RGS6: variants seen among roughly 807,000 people sequenced by gnomAD.
RGS6 encodes regulator of G protein signaling 6, also known as regulator of G-protein signaling 6.
Under a neutral mutation model 78.5 loss-of-function variants are expected in RGS6, and 30 were observed. That is an observed-to-expected ratio of 0.38 (90% CI 0.29 to 0.52). The LOEUF is 0.52. Ranked by LOEUF, RGS6 falls within the 20% of genes least tolerant of loss-of-function variation. The probability of loss-of-function intolerance (pLI) is 0.85; values close to 1 mark genes in which losing one functional copy is unlikely to be tolerated. For synonymous variants in RGS6, 206 were observed against 206.0 expected (o/e 1.00, Z 0.00); for missense variants, 495 against 609.7 (o/e 0.81, Z 1.98).
intron 2 of RGS6, among the ~76,000 whole-genome samples, chr14:72,332,308 A>G (rs1417270785): frequency 1.3e-5 from 2 of 152,244 alleles, no homozygotes; most frequent in Non-Finnish European, 2.9e-5. Context: ...CTTCCAGGCC[A>G]GGCGGTAGGT....
chr14:72,380,420 CAGG>C (rs2085763488), intron 3 of RGS6, among the ~76,000 whole-genome samples: 2 of 151,464 alleles, frequency 1.3e-5, no homozygotes, highest in South Asian at 4.2e-4. Flanking sequence ...TTTCATCTGA[CAGG>C]AGGTCAATAT....
At chr14:71,890,358 CAGAGAGAGAGAG>C in the RGS6 span, among the ~76,000 whole-genome samples, 6 of 133,008 alleles carry the variant, frequency 4.5e-5, no homozygotes, top group African/African-American at 8.9e-5. Context: ...GTGCATAAGA[CAGAGAGAGAGAG>C]AGAGAGAGAG....
intron 3 of RGS6, among the ~76,000 whole-genome samples, chr14:72,378,229 T>C (rs1001427901): frequency 6.6e-6 from 1 of 152,148 alleles, no homozygotes; most frequent in African/African-American, 2.4e-5. Context: ...GGCAAGTTTA[T>C]AGCAATAAAT....
the RGS6 span, among the ~76,000 whole-genome samples, chr14:72,574,947 A>G: frequency 1.9e-3 from 288 of 152,212 alleles, 2 homozygotes; most frequent in African/African-American, 6.1e-3. Context: ...GTGTGATGCT[A>G]CAGTAGGATG....
At chr14:72,168,606 G>T (rs1261523105) in intron 2 of RGS6, among the ~76,000 whole-genome samples, 2 of 152,182 alleles carry the variant, frequency 1.3e-5, no homozygotes, top group South Asian at 2.1e-4. Context: ...ATACTATTGG[G>T]TTAAATAAAA....
intron 1 of RGS6, among the ~76,000 whole-genome samples, chr14:71,938,220 A>T (rs12883211): frequency 0.031 from 4,764 of 152,214 alleles, 121 homozygotes; most frequent in Middle Eastern, 0.088. Flanking sequence ...CATCCACATA[A>T]CTTTTTCCCA....
chr14:72,335,075 T>C (rs1324427831), intron 2 of RGS6, among the ~76,000 whole-genome samples: 24 of 152,198 alleles, frequency 1.6e-4, no homozygotes, highest in Admixed American at 1.5e-3. Flanking sequence ...TTAGGAGGTC[T>C]TCTGCACAAG....
chr14:71,929,024 A>G (rs2087761853), upstream of RGS6, among the ~76,000 whole-genome samples: 1 of 152,248 alleles, frequency 6.6e-6, no homozygotes, highest in Non-Finnish European at 1.5e-5. Flanking sequence ...TACAAAAGCT[A>G]TAAAAATAAT....
chr14:72,123,092 A>G (rs1182775241), intron 2 of RGS6, among the ~76,000 whole-genome samples: 1 of 152,028 alleles, frequency 6.6e-6, no homozygotes. Flanking sequence ...TCAGCCTCCC[A>G]GGTAGCTGGG....
chr14:72,093,669 T>A (rs1372830212), intron 2 of RGS6, among the ~76,000 whole-genome samples: 1 of 152,236 alleles, frequency 6.6e-6, no homozygotes, highest in Admixed American at 6.5e-5. Flanking sequence ...TCAGACTCTG[T>A]TGTATGAATC....
chr14:72,506,887 G>C (rs945864315), intron 13 of RGS6, among the ~76,000 whole-genome samples: 8 of 147,668 alleles, frequency 5.4e-5, no homozygotes, highest in African/African-American at 1.7e-4. Context: ...AGTGGCTCAC[G>C]CCTGTAATCC....
At chr14:71,965,511 G>C (rs913071788) in intron 2 of RGS6, among the ~76,000 whole-genome samples, 3 of 152,176 alleles carry the variant, frequency 2.0e-5, no homozygotes, top group Non-Finnish European at 4.4e-5. Context: ...TTTCAGCAAG[G>C]GCACAGAGCT....
intron 1 of RGS6, among the ~76,000 whole-genome samples, chr14:71,958,382 G>A (rs138339507): frequency 3.0e-4 from 46 of 152,292 alleles, no homozygotes; most frequent in African/African-American, 9.1e-4. Context: ...CATCCATAGC[G>A]TGGGAATAAT....
chr14:72,374,224 T>C (rs950328241), intron 3 of RGS6, among the ~76,000 whole-genome samples: 5 of 152,118 alleles, frequency 3.3e-5, no homozygotes, highest in Non-Finnish European at 7.4e-5. Flanking sequence ...TTTCTCCTAA[T>C]GCTATCCCTC....
intron 2 of RGS6, among the ~76,000 whole-genome samples, chr14:72,171,311 A>G (rs1020008906): frequency 2.6e-5 from 4 of 152,146 alleles, no homozygotes; most frequent in Non-Finnish European, 5.9e-5. Context: ...TCAGCCAGTC[A>G]TTATAGAGAG....
At chr14:72,109,637 AT>A (rs1597715996) in intron 2 of RGS6, among the ~76,000 whole-genome samples, 1 of 152,330 alleles carries the variant, frequency 6.6e-6, no homozygotes, top group East Asian at 1.9e-4. Flanking sequence ...AGAAATAAAC[AT>A]GGTCTGGAGT....
intron 17 of RGS6, chr14:72,547,197 C>T (rs918983925): frequency 2.3e-5 from 36 of 1,535,104 alleles, no homozygotes; most frequent in African/African-American, 2.2e-4. Context: ...GCAGCAGCAC[C>T]GCAGCAGAGG....
At chr14:72,392,736 G>C (rs765578981) in intron 3 of RGS6, among the ~76,000 whole-genome samples, 3 of 152,148 alleles carry the variant, frequency 2.0e-5, no homozygotes, top group Non-Finnish European at 4.4e-5. Context: ...CTGACACTTT[G>C]CAAGCCACCC....
intron 3 of RGS6, among the ~76,000 whole-genome samples, chr14:72,410,694 G>A (rs2093343225): frequency 1.3e-5 from 2 of 152,060 alleles, no homozygotes; most frequent in African/African-American, 4.8e-5. Flanking sequence ...GGGTTTTTAT[G>A]GTTTTAGGTC....
Sources: gnomAD v4.1 joint callset for allele counts (sites outside exome capture counted in the v4.1 genomes callset) on GRCh38, gnomAD v4.1.1 for gene constraint, MANE v1.5 for transcripts, NCBI Gene and HGNC (gene_info 2026-07-23, HGNC 2026-07-21) for gene names.